Variants in MAML2 observed in about 807,000 individuals in gnomAD.
MAML2 encodes the protein mastermind-like protein 2.
A neutral mutation model predicts 96.1 loss-of-function variants in MAML2; 22 were observed. That is an observed-to-expected ratio of 0.23 (90% confidence interval 0.16 to 0.33). The LOEUF (loss-of-function observed/expected upper bound fraction) is 0.33, where lower values mean the gene tolerates loss of function less well. Among genes scored for constraint, MAML2 ranks in the 10% least tolerant of loss-of-function variants. The probability of loss-of-function intolerance (pLI) is 1.00; values close to 1 mark genes in which losing one functional copy is unlikely to be tolerated. For missense variants in MAML2, 1,367 were observed against 1,392.4 expected, an observed-to-expected ratio of 0.98 and a Z score of 0.29; for synonymous variants, 561 against 521.3, an observed-to-expected ratio of 1.08 and a Z score of -1.04.
intron 2 of MAML2, among the ~76,000 whole-genome samples, chr11:96,042,810 C>T (rs7936449): frequency 0.49 from 73,486 of 148,744 alleles, 18,786 homozygotes; most frequent in East Asian, 0.74. Flanking sequence ...AGTGGTGCCA[C>T]CTCTGCTCAC....
chr11:95,992,431 T>G (rs934660189), intron 2 of MAML2, among the ~76,000 whole-genome samples: 2 of 152,182 alleles, frequency 1.3e-5, no homozygotes, highest in Non-Finnish European at 2.9e-5. Context: ...CCTTTCTAAT[T>G]TGAGGTCTCT....
intron 2 of MAML2, among the ~76,000 whole-genome samples, chr11:96,000,108 G>T (rs1591084239): frequency 6.6e-6 from 1 of 152,170 alleles, no homozygotes; most frequent in East Asian, 1.9e-4. Context: ...ATAGTGAGGT[G>T]GTTGTGGGTG....
chr11:96,277,704 C>G (rs961963814), intron 1 of MAML2, among the ~76,000 whole-genome samples: 17 of 146,012 alleles, frequency 1.2e-4, no homozygotes, highest in Admixed American at 1.4e-4. Context: ...TGCCACTGCA[C>G]TCCAGCCTGG....
At chr11:96,208,681 A>T (rs1861927184) in intron 1 of MAML2, among the ~76,000 whole-genome samples, 1 of 152,196 alleles carries the variant, frequency 6.6e-6, no homozygotes, top group African/African-American at 2.4e-5. Flanking sequence ...CCCAAAGATA[A>T]CACTAGTTCA....
At chr11:96,212,624 G>C (rs1356305704) in intron 1 of MAML2, among the ~76,000 whole-genome samples, 1 of 152,152 alleles carries the variant, frequency 6.6e-6, no homozygotes, top group Non-Finnish European at 1.5e-5. Flanking sequence ...TTAATTCACT[G>C]TCACCACCCT....
rs1864019919 is a variant in MAML2 at position 96,342,907 on chromosome 11, C to A, written c.-1012G>T. ...AATTTACAAACGATGGTCAAACTTA[C>A]AAACTTCCAGCAAATTGCACCGAGT... On this transcript the variant is annotated 5_prime_UTR_variant, in exon 1 of 5. Transcript: ENST00000524717. 2.7e-6 allele frequency: 1 copy of A among 371,758 alleles called. No individual in the cohort carries two copies. Among genetic ancestry groups the A allele is most frequent in the Non-Finnish European group, 4.8e-6 (1 of 209,554 alleles). 23.0% of individuals were successfully genotyped at this position (371,758 alleles called of 1,614,324 possible). A position where few individuals can be genotyped will look rare whatever the true frequency, so the allele number is the denominator to read the frequency against.
At chr11:96,267,845 G>A (rs1862852214) in intron 1 of MAML2, among the ~76,000 whole-genome samples, 1 of 152,162 alleles carries the variant, frequency 6.6e-6, no homozygotes, top group African/African-American at 2.4e-5. Flanking sequence ...CTGAATCTGG[G>A]GTTTTTTACA....
At position 96,286,627 on chromosome 11, in the gene MAML2, C is replaced by CTT. The variant is rs10550785; in HGVS notation, c.513+54754_513+54755dup. ...TTCTAGCTATTATCATTCTTTTTAT[C>CTT]TTTTTTTTTTTTTTTTACAGATTTG... On this transcript the variant is annotated intron_variant, in intron 1 of 4. Coordinates refer to ENST00000524717, the MANE Select transcript of MAML2 (RefSeq NM_032427.4). Among the ~76,000 whole-genome samples, 61 of 142,630 alleles carry CTT rather than the reference C, an allele frequency of 4.3e-4. No individual in the cohort carries two copies. The East Asian group carries it at 6.1e-3, about 14-fold the overall frequency. The allele number at this position is 142,630 out of a possible 152,430, so 93.6% of individuals were successfully genotyped here.
At chr11:96,277,787 A>G (rs1863010679) in intron 1 of MAML2, among the ~76,000 whole-genome samples, 1 of 152,070 alleles carries the variant, frequency 6.6e-6, no homozygotes, top group South Asian at 2.1e-4. Context: ...AAAATGGAAT[A>G]AAAGATATCT....
chr11:96,029,436 CAA>C (rs1162963468), intron 2 of MAML2, among the ~76,000 whole-genome samples: 2 of 152,070 alleles, frequency 1.3e-5, no homozygotes, highest in Non-Finnish European at 2.9e-5. Flanking sequence ...TTTGCCGTCT[CAA>C]AGAGATTCTT....
chr11:96,104,141 T>A (rs1372452867), intron 1 of MAML2, among the ~76,000 whole-genome samples: 1 of 152,216 alleles, frequency 6.6e-6, no homozygotes, highest in Non-Finnish European at 1.5e-5. Flanking sequence ...TTCCAAATAT[T>A]TTTATTAATT....
At chr11:96,109,823 TC>T (rs1286113922) in intron 1 of MAML2, among the ~76,000 whole-genome samples, 1 of 152,118 alleles carries the variant, frequency 6.6e-6, no homozygotes, top group Non-Finnish European at 1.5e-5. Context: ...GGTTTACAGA[TC>T]AGGAGCGAAC....
chr11:96,132,441 A>C (rs1752065992), intron 1 of MAML2, among the ~76,000 whole-genome samples: 1 of 152,238 alleles, frequency 6.6e-6, no homozygotes, highest in African/African-American at 2.4e-5. Flanking sequence ...AAACTGGCAA[A>C]GATAGTTATT....
chr11:96,017,267 G>A (rs1261489317), intron 2 of MAML2, among the ~76,000 whole-genome samples: 1 of 152,162 alleles, frequency 6.6e-6, no homozygotes, highest in Non-Finnish European at 1.5e-5. Context: ...AAAAGCAGAT[G>A]TGCTTTGGTT....
At chr11:96,213,723 TCC>T (rs1006070814) in intron 1 of MAML2, among the ~76,000 whole-genome samples, 8 of 152,320 alleles carry the variant, frequency 5.3e-5, no homozygotes, top group African/African-American at 1.9e-4. Flanking sequence ...GGTTTTAAGT[TCC>T]CCACCATTAG....
At chr11:96,299,531 T>C (rs184893229) in intron 1 of MAML2, among the ~76,000 whole-genome samples, 9 of 152,146 alleles carry the variant, frequency 5.9e-5, no homozygotes, top group Admixed American at 4.6e-4. Context: ...TCTCTAGCTG[T>C]GTGAGCAGGC....
chr11:96,067,006 C>T (rs1024119718), intron 2 of MAML2, among the ~76,000 whole-genome samples: 2 of 152,218 alleles, frequency 1.3e-5, no homozygotes, highest in South Asian at 2.1e-4. Flanking sequence ...TGTGTGCACA[C>T]GCATGCATGA....
intron 1 of MAML2, among the ~76,000 whole-genome samples, chr11:96,157,462 G>A (rs558542161): frequency 1.3e-5 from 2 of 152,204 alleles, no homozygotes; most frequent in South Asian, 4.1e-4. Context: ...GAACGTCATG[G>A]GACTTTGGCA....
At chr11:96,134,245 C>T (rs1045586742) in intron 1 of MAML2, among the ~76,000 whole-genome samples, 4 of 152,174 alleles carry the variant, frequency 2.6e-5, no homozygotes, top group East Asian at 1.9e-4. Flanking sequence ...ATACAAACTA[C>T]TTTGTTTACT....
Sources: allele counts gnomAD v4.1 joint callset (sites outside exome capture counted in the v4.1 genomes callset), GRCh38; gene constraint gnomAD v4.1.1; transcripts MANE v1.5; gene names NCBI Gene and HGNC (gene_info 2026-07-23, HGNC 2026-07-21).